C3orf70: variants seen among roughly 807,000 people sequenced by gnomAD.
The protein encoded by C3orf70 is chromosome 3 open reading frame 70, also known as UPF0524 protein C3orf70.
In C3orf70, 15 loss-of-function variants were observed where a neutral mutation model predicts 20.7. The ratio of observed to expected loss-of-function variants is 0.72; its 90% confidence interval spans 0.48 to 1.11. The LOEUF (loss-of-function observed/expected upper bound fraction) is 1.11. Ranked by LOEUF, C3orf70 falls within the 50% of genes most tolerant of loss-of-function variation. C3orf70 has a pLI of 0.00. For synonymous variants in C3orf70, 161 were observed against 125.7 expected, an observed-to-expected ratio of 1.28 and a Z score of -1.88; for missense variants, 332 against 317.6, an observed-to-expected ratio of 1.05 and a Z score of -0.34.
chr3:185,088,409 T>C (rs560409044), intron 1 of C3orf70, among the ~76,000 whole-genome samples: 3 of 152,378 alleles, frequency 2.0e-5, no homozygotes, highest in African/African-American at 7.2e-5. Context: ...CCTGTATTCA[T>C]GTCAACACCT....
rs1489597267 is a variant in C3orf70, at chr3:185,112,006, C to T, written c.197-28443G>A. ...AAAACACCAAACAGAAATCATGGGG[C>T]TGGGCCAGGCGTGGTGGCTCATGCC... On this transcript the variant is annotated intron_variant, in intron 1 of 1. Coordinates refer to ENST00000335012, the MANE Select transcript of C3orf70 (RefSeq NM_001025266.3). Among the ~76,000 whole-genome samples the T allele has an allele frequency of 2.0e-5, 3 of 152,200 alleles. No individual in the cohort carries two copies. In the East Asian group the frequency reaches 5.8e-4, roughly 29 times the overall value.
intron 1 of C3orf70, among the ~76,000 whole-genome samples, chr3:185,149,615 C>T (rs1045710553): frequency 1.3e-5 from 2 of 151,996 alleles, no homozygotes; most frequent in Non-Finnish European, 2.9e-5. Context: ...TCCATGAATA[C>T]CAAAAAGAAA....
At chr3:185,093,760 T>C (rs1715641465) in intron 1 of C3orf70, among the ~76,000 whole-genome samples, 1 of 151,562 alleles carries the variant, frequency 6.6e-6, no homozygotes, top group South Asian at 2.1e-4. Context: ...TGATATGCCT[T>C]GTGCAACAAT....
At chr3:185,148,796 T>C (rs536548063) in intron 1 of C3orf70, among the ~76,000 whole-genome samples, 2 of 152,356 alleles carry the variant, frequency 1.3e-5, no homozygotes, top group African/African-American at 4.8e-5. Context: ...GGCAACATCC[T>C]CAAAAATGCG....
At chr3:185,139,930 A>G (rs1716716180) in intron 1 of C3orf70, among the ~76,000 whole-genome samples, 1 of 152,252 alleles carries the variant, frequency 6.6e-6, no homozygotes, top group Non-Finnish European at 1.5e-5. Context: ...TCTTAAAAGC[A>G]TCAAAAAGCA....
At chr3:185,115,922 C>T (rs1242944802) in intron 1 of C3orf70, among the ~76,000 whole-genome samples, 1 of 152,162 alleles carries the variant, frequency 6.6e-6, no homozygotes, top group East Asian at 1.9e-4. Flanking sequence ...CTATTACCTC[C>T]CAAAGGTCTC....
At chr3:185,095,735 CTTT>C (rs756180408) in intron 1 of C3orf70, among the ~76,000 whole-genome samples, 5,629 of 127,456 alleles carry the variant, frequency 0.044, 272 homozygotes, top group African/African-American at 0.15. Flanking sequence ...CATTCTGAAA[CTTT>C]TTTTTTTTTT....
At chr3:185,138,324 T>C (rs1429162221) in intron 1 of C3orf70, among the ~76,000 whole-genome samples, 2 of 151,960 alleles carry the variant, frequency 1.3e-5, no homozygotes, top group African/African-American at 4.8e-5. Flanking sequence ...TTCTACCAAA[T>C]GTTTAAAGAA....
At chr3:185,139,835 T>TCATGG (rs1240253979) in intron 1 of C3orf70, among the ~76,000 whole-genome samples, 1 of 151,936 alleles carries the variant, frequency 6.6e-6, no homozygotes, top group Admixed American at 6.6e-5. Flanking sequence ...TCATAATGGA[T>TCATGG]CATGGAATTA....
intron 1 of C3orf70, among the ~76,000 whole-genome samples, chr3:185,090,506 T>C (rs1463449271): frequency 6.6e-6 from 1 of 152,168 alleles, no homozygotes; most frequent in Non-Finnish European, 1.5e-5. Context: ...GTAATTTAAA[T>C]ATTTGTGCAA....
chr3:185,089,782 AAAAT>A (rs1210234101), intron 1 of C3orf70, among the ~76,000 whole-genome samples: 37 of 152,216 alleles, frequency 2.4e-4, no homozygotes, highest in African/African-American at 8.2e-4. Flanking sequence ...CAGAAAATGA[AAAAT>A]AAAATTTTTT....
At chr3:185,117,796 G>A (rs189329974) in intron 1 of C3orf70, among the ~76,000 whole-genome samples, 3 of 152,212 alleles carry the variant, frequency 2.0e-5, no homozygotes, top group East Asian at 1.9e-4. Flanking sequence ...CCACATGTGC[G>A]CTACGTTCTA....
chr3:185,097,703 G>C (rs1227494872), intron 1 of C3orf70, among the ~76,000 whole-genome samples: 1 of 152,194 alleles, frequency 6.6e-6, no homozygotes, highest in Non-Finnish European at 1.5e-5. Context: ...CCCTTGAAGA[G>C]AAAAGAGACA....
At chr3:185,127,180 A>G (rs886878949) in intron 1 of C3orf70, among the ~76,000 whole-genome samples, 6 of 152,172 alleles carry the variant, frequency 3.9e-5, no homozygotes, top group African/African-American at 1.4e-4. Context: ...GAAAAAGTAA[A>G]AGTAAAAAAA....
intron 1 of C3orf70, among the ~76,000 whole-genome samples, chr3:185,118,611 A>C (rs1394349209): frequency 6.6e-6 from 1 of 152,188 alleles, no homozygotes; most frequent in Non-Finnish European, 1.5e-5. Flanking sequence ...ATAAAACTTG[A>C]CATAAAGCCC....
chr3:185,142,888 T>C (rs550240729), intron 1 of C3orf70, among the ~76,000 whole-genome samples: 13 of 152,254 alleles, frequency 8.5e-5, no homozygotes, highest in South Asian at 6.2e-4. Context: ...ATTCAGAATA[T>C]AGGACATTCT....
chr3:185,142,683 T>G (rs1561368342), intron 1 of C3orf70, among the ~76,000 whole-genome samples: 1 of 152,010 alleles, frequency 6.6e-6, no homozygotes, highest in East Asian at 1.9e-4. Flanking sequence ...GATCACTCAT[T>G]AAAAACCAAA....
intron 1 of C3orf70, among the ~76,000 whole-genome samples, chr3:185,125,196 A>G (rs1716381734): frequency 6.6e-6 from 1 of 152,134 alleles, no homozygotes. Context: ...CTTGACCAAC[A>G]TGGAGAAAAC....
chr3:185,085,527 AG>A (rs1389327089), intron 1 of C3orf70, among the ~76,000 whole-genome samples: 1 of 152,202 alleles, frequency 6.6e-6, no homozygotes, highest in African/African-American at 2.4e-5. Context: ...CTGGGTTCCC[AG>A]GGTGCTTCCA....
Sources: allele counts gnomAD v4.1 joint callset (sites outside exome capture counted in the v4.1 genomes callset), GRCh38; gene constraint gnomAD v4.1.1; transcripts MANE v1.5; gene names NCBI Gene and HGNC (gene_info 2026-07-23, HGNC 2026-07-21).